KAZN: variants seen among roughly 807,000 people sequenced by gnomAD.
The protein encoded by KAZN is kazrin, periplakin interacting protein, also known as kazrin.
A neutral mutation model predicts 87.4 loss-of-function variants in KAZN; 40 were observed. The observed-to-expected ratio is 0.46, with a 90% CI of 0.36 to 0.60. KAZN has a LOEUF of 0.60. KAZN is among the 20% of genes least tolerant of loss of function. The pLI, the probability that KAZN is intolerant of heterozygous loss-of-function variation, is 0.00. For synonymous variants in KAZN, 466 were observed against 458.3 expected (o/e 1.02, Z -0.22); for missense variants, 898 against 1,073.9 (o/e 0.84, Z 2.29).
intron 1 of KAZN, among the ~76,000 whole-genome samples, chr1:14,082,620 C>T (rs3817940): frequency 0.1 from 15,176 of 152,222 alleles, 934 homozygotes; most frequent in East Asian, 0.13. Flanking sequence ...TCTGAATCTT[C>T]GGGCCAAGTC....
intron 2 of KAZN, among the ~76,000 whole-genome samples, chr1:14,431,069 GA>G (rs1251938773): frequency 4.6e-5 from 7 of 152,190 alleles, no homozygotes; most frequent in African/African-American, 1.7e-4. Flanking sequence ...AATGCTTATT[GA>G]GTAATTGAAT....
chr1:14,056,867 A>G lies in KAZN; in HGVS notation c.92-123568A>G, dbSNP rs1204302963. Among the ~76,000 whole-genome samples the G allele has an allele frequency of 2.0e-5, 3 of 152,088 alleles. No individual in the cohort carries two copies. The East Asian group carries it at 5.9e-4, about 30-fold the overall frequency. On this transcript the variant is annotated intron_variant, in intron 1 of 16. Transcript: ENST00000636203. ...TCAAATGTAGACAACAAACAAACAG[A>G]AAACATTCAGATTTCAAAATCAGTC...
At chr1:14,064,688 C>T (rs897604460) in intron 1 of KAZN, among the ~76,000 whole-genome samples, 5 of 151,938 alleles carry the variant, frequency 3.3e-5, no homozygotes, top group South Asian at 2.1e-4. Context: ...TGGGGGTGGG[C>T]GAGGAAACAG....
intron 2 of KAZN, among the ~76,000 whole-genome samples, chr1:14,416,397 AT>A (rs1664762447): frequency 6.6e-6 from 1 of 152,218 alleles, no homozygotes; most frequent in African/African-American, 2.4e-5. Flanking sequence ...GCAAAGTGAC[AT>A]TTCAGCAGTA....
rs563239897 is a variant in KAZN, at chr1:14,841,354, C to T, written c.227-119330C>T. On this transcript the variant is annotated intron_variant, in intron 1 of 14. Transcript: ENST00000376030. The stretch of plus-strand genomic sequence containing the variant: ...CCGGGAGGCGGAGCTTGCAGTGAGC[C>T]GAGATCGCCCCACTGCACTCCAGCC... Among the ~76,000 whole-genome samples, 10 of 137,766 alleles carry T rather than the reference C, an allele frequency of 7.3e-5. No homozygotes were observed. In the East Asian group the frequency reaches 8.6e-4, roughly 12 times the overall value. The allele number at this position is 137,766 out of a possible 152,430, so 90.4% of individuals were successfully genotyped here. A position where few individuals can be genotyped will look rare whatever the true frequency, so the allele number is the denominator to read the frequency against.
At chr1:14,211,604 G>T (rs1003246318) in intron 2 of KAZN, among the ~76,000 whole-genome samples, 1 of 152,142 alleles carries the variant, frequency 6.6e-6, no homozygotes, top group Non-Finnish European at 1.5e-5. Context: ...GAGAACTAGG[G>T]TCAGTGGTCC....
At chr1:14,980,238 A>C (rs759933713) in intron 2 of KAZN, among the ~76,000 whole-genome samples, 2 of 152,214 alleles carry the variant, frequency 1.3e-5, no homozygotes, top group African/African-American at 4.8e-5. Context: ...ATATTTTACT[A>C]AGCTTAGAGT....
intron 2 of KAZN, among the ~76,000 whole-genome samples, chr1:14,963,293 C>T (rs914372788): frequency 1.2e-4 from 19 of 152,318 alleles, no homozygotes; most frequent in African/African-American, 4.1e-4. Context: ...CTTCTAAGTA[C>T]GTGACTTACC....
At chr1:14,753,840 G>A (rs1035461243) in intron 1 of KAZN, among the ~76,000 whole-genome samples, 11 of 152,214 alleles carry the variant, frequency 7.2e-5, no homozygotes, top group Admixed American at 7.2e-4. Flanking sequence ...AGCTCTGGAG[G>A]CTGCGAAGTC....
chr1:14,350,626 A>G (rs2100939263), intron 2 of KAZN, among the ~76,000 whole-genome samples: 1 of 152,354 alleles, frequency 6.6e-6, no homozygotes, highest in South Asian at 2.1e-4. Context: ...TGCACTGGAC[A>G]GTGCCCACCA....
intron 2 of KAZN, among the ~76,000 whole-genome samples, chr1:14,317,279 C>G (rs1429744756): frequency 6.6e-6 from 1 of 151,880 alleles, no homozygotes; most frequent in Non-Finnish European, 1.5e-5. Context: ...CAATATTCAT[C>G]TTTATCCCTC....
chr1:14,549,612 C>CTT (rs1557792993), intron 2 of KAZN, among the ~76,000 whole-genome samples: 15 of 124,124 alleles, frequency 1.2e-4, no homozygotes, highest in African/African-American at 4.0e-4. Flanking sequence ...CCAGGCAACC[C>CTT]CTTTTTTTTT....
chr1:15,050,751 G>T (rs920666486), intron 4 of KAZN, among the ~76,000 whole-genome samples: 3 of 152,168 alleles, frequency 2.0e-5, no homozygotes, highest in Non-Finnish European at 4.4e-5. Context: ...TGAGGGCAGG[G>T]TCTGCCCAAT....
At chr1:14,272,230 G>A (rs1192132975) in intron 2 of KAZN, among the ~76,000 whole-genome samples, 2 of 152,132 alleles carry the variant, frequency 1.3e-5, no homozygotes, top group African/African-American at 4.8e-5. Context: ...TCAGGCATGG[G>A]TGGCTTTGCT....
chr1:14,922,185 A>G (rs890540111), intron 1 of KAZN, among the ~76,000 whole-genome samples: 1 of 152,214 alleles, frequency 6.6e-6, no homozygotes, highest in African/African-American at 2.4e-5. Context: ...TATAACATAA[A>G]TGCCCTTATG....
intron 1 of KAZN, among the ~76,000 whole-genome samples, chr1:14,917,506 T>C (rs974935878): frequency 1.3e-5 from 2 of 152,312 alleles, no homozygotes; most frequent in South Asian, 2.1e-4. Flanking sequence ...TCTGGGAATG[T>C]TTCACTAGCC....
At chr1:14,914,060 G>C (rs1239532008) in intron 1 of KAZN, among the ~76,000 whole-genome samples, 31 of 152,218 alleles carry the variant, frequency 2.0e-4, no homozygotes, top group Admixed American at 2.0e-3. Context: ...AGCCCTTCTG[G>C]GCAGGGCAGT....
In KAZN at chr1:14,956,603, T is replaced by C. The variant is rs1308865035; in HGVS notation, c.227-4081T>C. 1.4e-4 allele frequency among the ~76,000 whole-genome samples: 20 copies of C among 142,110 alleles called. 1 individual carries two copies. The highest frequency in any genetic ancestry group is 1.3e-3 in the Admixed American group (19 of 14,392). 93.2% of individuals were successfully genotyped at this position (142,110 alleles called of 152,430 possible). A position where few individuals can be genotyped will look rare whatever the true frequency, so the allele number is the denominator to read the frequency against. On this transcript the variant is annotated intron_variant, in intron 1 of 14. Coordinates refer to ENST00000376030, the MANE Select transcript of KAZN (RefSeq NM_201628.3). ...CCTGGGCAACAGGAGTGAAACTCTA[T>C]CTCAAAAAAAAAAAAAAATTAAACA...
chr1:14,064,210 T>C (rs541861127), intron 1 of KAZN, among the ~76,000 whole-genome samples: 2 of 152,330 alleles, frequency 1.3e-5, no homozygotes, highest in African/African-American at 4.8e-5. Flanking sequence ...TTCAACTACA[T>C]GCTGCCCTTG....
Sources: allele counts gnomAD v4.1 joint callset (sites outside exome capture counted in the v4.1 genomes callset), GRCh38; gene constraint gnomAD v4.1.1; transcripts MANE v1.5; gene names NCBI Gene and HGNC (gene_info 2026-07-23, HGNC 2026-07-21).